MCF2L: variants seen among roughly 807,000 people sequenced by gnomAD.
MCF2L encodes the protein MCF.2 cell line derived transforming sequence like.
Under a neutral mutation model 153.4 loss-of-function variants are expected in MCF2L, and 97 were observed. The ratio of observed to expected loss-of-function variants is 0.63; its 90% CI spans 0.54 to 0.75. MCF2L has a LOEUF of 0.75. Ranked by LOEUF, MCF2L falls within the 30% of genes least tolerant of loss-of-function variation. MCF2L has a pLI of 0.00. For synonymous variants in MCF2L, 659 were observed against 632.2 expected (o/e 1.04, Z -0.64); for missense variants, 1,347 against 1,495.2 (o/e 0.90, Z 1.64).
At chr13:113,012,800 C>T (rs1341023607) in intron 1 of MCF2L, among the ~76,000 whole-genome samples, 3 of 101,874 alleles carry the variant, frequency 2.9e-5, no homozygotes, top group Non-Finnish European at 4.2e-5. Flanking sequence ...GTGATGCGGA[C>T]GGTGGACAGG....
At chr13:112,957,242 C>T (rs192881185) in intron 2 of MCF2L, 1 of 152,382 alleles carries the variant, frequency 6.6e-6, no homozygotes, top group East Asian at 1.9e-4. Context: ...CAAATGCCAT[C>T]GCAGCACAGG....
In MCF2L at chr13:112,987,693, G is replaced by A. The variant is rs539538903; in HGVS notation, c.79+18235G>A. Reference sequence around the variant, plus strand: ...TTGCACGGTGGTGAGAGGGTTGGGCGTTGGGCTCCCTCGCCCCCATCCGGC... The same window carrying A: ...TTGCACGGTGGTGAGAGGGTTGGGCATTGGGCTCCCTCGCCCCCATCCGGC... On this transcript the variant is annotated intron_variant, in intron 1 of 29. Transcript: ENST00000535094. Among the ~76,000 whole-genome samples, 158 of 152,368 alleles carry A rather than the reference G, an allele frequency of 1.0e-3. 1 individual carries two copies. The highest frequency in any genetic ancestry group is 0.01 in the Middle Eastern group (3 of 294).
intron 4 of MCF2L, 68 bp from the exon 5 acceptor site, chr13:113,060,525 C>T (rs1015961846): frequency 2.5e-6 from 4 of 1,582,686 alleles, no homozygotes; most frequent in Non-Finnish European, 3.4e-6. Context: ...AGCGTGCAGG[C>T]ACCGCACTAG....
chr13:113,023,470 T>C, intron 2 of MCF2L, among the ~76,000 whole-genome samples: 1 of 151,982 alleles, frequency 6.6e-6, no homozygotes, highest in Non-Finnish European at 1.5e-5. Context: ...TTCCGGAAGC[T>C]GGAGACAGTG....
rs2084400758 is a variant in MCF2L at position 113,014,760 on chromosome 13, C to T, written c.80-3C>T. ...ACACGTGCCGTCTGCTCTTTCCGTG[C>T]AGATGAAATCATGCACCAGGACATC... is the stretch of plus-strand genomic sequence containing the variant. On this transcript the variant is annotated splice_polypyrimidine_tract_variant and splice_region_variant and intron_variant, in intron 1 of 29. Transcript: ENST00000535094. The T allele has an allele frequency of 1.6e-5, 26 of 1,613,590 alleles. No individual in the cohort carries two copies. The highest frequency in any genetic ancestry group is 2.1e-5 in the Non-Finnish European group (25 of 1,179,664).
intron 1 of MCF2L, chr13:113,008,770 C>T (rs1275478260): frequency 6.6e-6 from 1 of 152,232 alleles, no homozygotes; most frequent in East Asian, 1.9e-4. Flanking sequence ...AACTCAGTTT[C>T]CCTTGGAGTG....
intron 1 of MCF2L, among the ~76,000 whole-genome samples, chr13:112,980,875 G>A (rs1381175270): frequency 2.0e-5 from 3 of 152,196 alleles, no homozygotes; most frequent in Admixed American, 6.5e-5. Flanking sequence ...GGTGTCCAGC[G>A]CTCCATTCAC....
chr13:113,079,672 C>A (rs981017162), intron 15 of MCF2L, among the ~76,000 whole-genome samples: 1 of 152,150 alleles, frequency 6.6e-6, no homozygotes, highest in Non-Finnish European at 1.5e-5. Context: ...CTGTCACTTC[C>A]GGCTTCTGAT....
At chr13:113,037,601 T>C (rs930110592) in intron 3 of MCF2L, among the ~76,000 whole-genome samples, 6 of 152,210 alleles carry the variant, frequency 3.9e-5, no homozygotes, top group Non-Finnish European at 5.9e-5. Context: ...CAACTGATAT[T>C]TCCACAAAGA....
At chr13:113,017,222 T>G (rs2084587010) in intron 2 of MCF2L, among the ~76,000 whole-genome samples, 1 of 152,206 alleles carries the variant, frequency 6.6e-6, no homozygotes, top group Non-Finnish European at 1.5e-5. Context: ...AAGCCCCCTT[T>G]TGTGTCCTCA....
intron 1 of MCF2L, among the ~76,000 whole-genome samples, chr13:112,992,220 T>C (rs961726195): frequency 2.0e-5 from 3 of 152,258 alleles, no homozygotes; most frequent in African/African-American, 7.2e-5. Flanking sequence ...TGTCTCATTA[T>C]GTATATGCAC....
chr13:112,926,549 G>C (rs1316663362), intron 2 of MCF2L, among the ~76,000 whole-genome samples: 2 of 152,224 alleles, frequency 1.3e-5, no homozygotes, highest in Non-Finnish European at 2.9e-5. Context: ...GCACAGGGGG[G>C]TGCTGTGCCA....
At position 112,941,704 on chromosome 13, in the gene MCF2L, TATAAA is replaced by T. The variant is rs1302081931; in HGVS notation, c.169+39338_169+39342del. Among the ~76,000 whole-genome samples, 82 of 152,126 alleles carry T rather than the reference TATAAA, an allele frequency of 5.4e-4. No individual in the cohort carries two copies. The highest frequency in any genetic ancestry group is 1.9e-3 in the African/African-American group (79 of 41,424). On this transcript the variant is annotated intron_variant, in intron 2 of 29. Transcript: ENST00000375608. The surrounding 1 kb of genome is among the most constrained non-coding windows in gnomAD (Gnocchi z 4.9). ...CGAGCTGTTCCAGTATAATAAAATA[TATAAA>T]ATAAGAATAGTTATACTAGATATCG...
chr13:113,064,214 C>T lies in MCF2L; in HGVS notation c.490-90C>T, dbSNP rs2032006261. 6 of 959,030 alleles carry T rather than the reference C, an allele frequency of 6.3e-6. No homozygotes were observed. The highest frequency in any genetic ancestry group is 1.0e-5 in the Non-Finnish European group (6 of 595,166). The allele number at this position is 959,030 out of a possible 1,614,324, so 59.4% of individuals were successfully genotyped here. A position where few individuals can be genotyped will look rare whatever the true frequency, so the allele number is the denominator to read the frequency against. ...AGCATCCAGGCAGACGTGGTCCTCT[C>T]TGTGCTGCTGGGTGTTCTGCTGATG... On this transcript the variant is annotated intron_variant, in intron 5 of 29. Transcript: ENST00000535094. The surrounding 1 kb of genome is among the most constrained non-coding windows in gnomAD (Gnocchi z 6.0).
At chr13:113,007,780 A>G (rs906819833) in intron 1 of MCF2L, among the ~76,000 whole-genome samples, 12 of 152,188 alleles carry the variant, frequency 7.9e-5, no homozygotes, top group Non-Finnish European at 1.6e-4. Context: ...TCAGTTTCAC[A>G]TTAGGTGATT....
chr13:112,924,882 G>C (rs1484204958), intron 2 of MCF2L, among the ~76,000 whole-genome samples: 1 of 151,944 alleles, frequency 6.6e-6, no homozygotes, highest in Admixed American at 6.5e-5. Context: ...ATAAGAACAA[G>C]GACAGGTGAA....
chr13:113,044,888 T>C (rs762301431), intron 3 of MCF2L: 2 of 1,612,730 alleles, frequency 1.2e-6, no homozygotes, highest in Non-Finnish European at 1.7e-6. Context: ...ACCGGCGTGA[T>C]GTATGCGCCA....
At position 112,943,374 on chromosome 13, in the gene MCF2L, C is replaced by T. The variant is rs2081596031; in HGVS notation, c.169+41003C>T. On this transcript the variant is annotated intron_variant, in intron 2 of 29. Transcript: ENST00000375608. This position sits in a 1 kb window ranked among gnomAD's most constrained non-coding sequence, Gnocchi z 4.2. ...AGCCCAGGCGCGGGGAGGGCGGCGG[C>T]TCCCAGCTCCCGGTCCCCGGCTCCG... 6.6e-6 allele frequency among the ~76,000 whole-genome samples: 1 copy of T among 151,532 alleles called. No individual in the cohort carries two copies. Among genetic ancestry groups the T allele is most frequent in the African/African-American group, 2.4e-5 (1 of 41,216 alleles).
chr13:112,973,425 T>C, intron 1 of MCF2L, among the ~76,000 whole-genome samples: 1 of 152,200 alleles, frequency 6.6e-6, no homozygotes, highest in Non-Finnish European at 1.5e-5. Context: ...TGGGATGTTG[T>C]TATGGATCTT....
Sources: allele counts gnomAD v4.1 joint callset (sites outside exome capture counted in the v4.1 genomes callset), GRCh38; gene constraint gnomAD v4.1.1; non-coding constraint Gnocchi (gnomAD v3.1); transcripts MANE v1.5; gene names NCBI Gene and HGNC (gene_info 2026-07-23, HGNC 2026-07-21).